Variants in EXOC4 observed in about 807,000 individuals in gnomAD.
EXOC4 encodes the protein exocyst complex component 4, also known as SEC8-like 1.
EXOC4 carries 71 observed loss-of-function variants against 107.2 expected under a neutral mutation model. The ratio of observed to expected loss-of-function variants is 0.66; its 90% confidence interval spans 0.55 to 0.81. EXOC4 has a LOEUF of 0.81. Ranked by LOEUF, EXOC4 falls within the 30% of genes least tolerant of loss-of-function variation. EXOC4 has a pLI of 0.00. For synonymous variants in EXOC4, 456 were observed against 441.2 expected (o/e 1.03, Z -0.42); for missense variants, 1,108 against 1,189.6 (o/e 0.93, Z 1.01).
intron 13 of EXOC4, among the ~76,000 whole-genome samples, chr7:133,923,433 T>C (rs1470669846): frequency 1.3e-5 from 2 of 152,216 alleles, no homozygotes; most frequent in African/African-American, 2.4e-5. Context: ...GCACTTATTT[T>C]TTTATTTTAG....
chr7:133,935,819 G>A (rs181107467), intron 13 of EXOC4, among the ~76,000 whole-genome samples: 1 of 152,276 alleles, frequency 6.6e-6, no homozygotes, highest in East Asian at 1.9e-4. Flanking sequence ...AGTTGAAGCT[G>A]GAAGACAGTT....
chr7:133,352,038 A>G (rs1258877795), intron 5 of EXOC4, among the ~76,000 whole-genome samples: 1 of 152,030 alleles, frequency 6.6e-6, no homozygotes, highest in Non-Finnish European at 1.5e-5. Flanking sequence ...TAGTTAGAGA[A>G]GATACTTTGT....
In EXOC4 at chr7:133,576,905, G is replaced by A. The variant is rs117604757; in HGVS notation, c.1418-53140G>A. ...GTTTTAAGATTAAATTAACTTGTTT[G>A]TTCTTGCTTTCCAGATCTCTTATTC... On this transcript the variant is annotated intron_variant, in intron 9 of 17. Transcript: ENST00000253861. 5 of 1,279,600 alleles carry A rather than the reference G, an allele frequency of 3.9e-6. No homozygotes were observed. In the East Asian group the frequency reaches 2.8e-4, roughly 71 times the overall value. The allele number at this position is 1,279,600 out of a possible 1,614,324, so 79.3% of individuals were successfully genotyped here. A position where few individuals can be genotyped will look rare whatever the true frequency, so the allele number is the denominator to read the frequency against.
chr7:133,553,480 C>T (rs981908829), intron 9 of EXOC4, among the ~76,000 whole-genome samples: 1 of 152,098 alleles, frequency 6.6e-6, no homozygotes, highest in Non-Finnish European at 1.5e-5. Context: ...GATTTCATTC[C>T]CTGAACTCCT....
At chr7:133,613,248 G>T (rs989447489) in intron 9 of EXOC4, among the ~76,000 whole-genome samples, 3 of 152,092 alleles carry the variant, frequency 2.0e-5, no homozygotes, top group Non-Finnish European at 2.9e-5. Context: ...ACAGTAGAAA[G>T]AAATGTAAAG....
At chr7:133,386,577 A>G (rs1218382992) in intron 7 of EXOC4, among the ~76,000 whole-genome samples, 1 of 152,196 alleles carries the variant, frequency 6.6e-6, no homozygotes, top group Non-Finnish European at 1.5e-5. Context: ...ACTCTTGTTC[A>G]GGGTTGAAGG....
intron 1 of EXOC4, among the ~76,000 whole-genome samples, chr7:133,263,613 C>T (rs973364999): frequency 3.3e-5 from 5 of 151,942 alleles, no homozygotes; most frequent in Non-Finnish European, 5.9e-5. Flanking sequence ...AACTCCTGGC[C>T]TCAAGCAATC....
chr7:133,845,335 A>AGTGTGT lies in EXOC4; in HGVS notation c.1734+27820_1734+27825dup, dbSNP rs34845137. Among the ~76,000 whole-genome samples, 922 of 138,022 alleles carry AGTGTGT rather than the reference A, an allele frequency of 6.7e-3. 8 individuals carry two copies. The highest frequency in any genetic ancestry group is 0.02 in the African/African-American group (732 of 36,498). 90.5% of individuals were successfully genotyped at this position (138,022 alleles called of 152,430 possible). On this transcript the variant is annotated intron_variant, in intron 11 of 17. Coordinates refer to ENST00000253861, the MANE Select transcript of EXOC4 (RefSeq NM_021807.4). Reference sequence around the variant, plus strand: ...CAACTAGCATGATAGGCAGGTTAGTAGTGTGTGTGTGTGTGTGTGTGTGTG... The same window carrying AGTGTGT: ...CAACTAGCATGATAGGCAGGTTAGTAGTGTGTGTGTGTGTGTGTGTGTGTGTGTGTG...
chr7:133,574,719 T>C (rs1270268382), intron 9 of EXOC4, among the ~76,000 whole-genome samples: 1 of 152,200 alleles, frequency 6.6e-6, no homozygotes, highest in Non-Finnish European at 1.5e-5. Flanking sequence ...ATATCATACT[T>C]ACACCTCATG....
At chr7:133,274,089 T>C (rs1793934758) in intron 1 of EXOC4, among the ~76,000 whole-genome samples, 1 of 152,226 alleles carries the variant, frequency 6.6e-6, no homozygotes, top group African/African-American at 2.4e-5. Flanking sequence ...TTGAAATATT[T>C]TTAATAAGTA....
intron 9 of EXOC4, among the ~76,000 whole-genome samples, chr7:133,510,899 G>A (rs1799756300): frequency 6.6e-6 from 1 of 152,106 alleles, no homozygotes; most frequent in Non-Finnish European, 1.5e-5. Context: ...TGGCAAGTAA[G>A]AACCATCTTA....
At chr7:133,947,876 T>C (rs1409234010) in intron 14 of EXOC4, among the ~76,000 whole-genome samples, 1 of 152,232 alleles carries the variant, frequency 6.6e-6, no homozygotes, top group Non-Finnish European at 1.5e-5. Flanking sequence ...TGAATGATTT[T>C]ATCTTCAAGC....
intron 14 of EXOC4, among the ~76,000 whole-genome samples, chr7:133,958,569 C>A (rs976157914): frequency 3.3e-5 from 5 of 152,106 alleles, no homozygotes; most frequent in Non-Finnish European, 7.4e-5. Context: ...ACAATCTTTC[C>A]TATAGTACCT....
At chr7:133,606,290 A>G (rs1801943885) in intron 9 of EXOC4, among the ~76,000 whole-genome samples, 1 of 151,860 alleles carries the variant, frequency 6.6e-6, no homozygotes, top group South Asian at 2.1e-4. Flanking sequence ...TTCACTAGTT[A>G]TCTGCCATTT....
intron 17 of EXOC4, among the ~76,000 whole-genome samples, chr7:134,059,253 A>G (rs1437434335): frequency 6.6e-6 from 1 of 152,160 alleles, no homozygotes; most frequent in African/African-American, 2.4e-5. Context: ...GGGAACTGAA[A>G]CTGTTTCTAA....
rs577138706 is a variant in EXOC4 at position 133,512,877 on chromosome 7, G to A, written c.1417+32739G>A. ...GCCAGGTGCGGTGGCTCACGCCTGC[G>A]GGCGGATCAGTTGAGGCCAGAAATT... On this transcript the variant is annotated intron_variant, in intron 9 of 17. Coordinates refer to ENST00000253861, the MANE Select transcript of EXOC4 (RefSeq NM_021807.4). Among the ~76,000 whole-genome samples, 234 of 152,226 alleles carry A rather than the reference G, an allele frequency of 1.5e-3. 1 individual carries two copies. The highest frequency in any genetic ancestry group is 5.2e-3 in the African/African-American group (218 of 41,548).
At chr7:133,576,672 T>A in intron 9 of EXOC4, 1 of 1,289,656 alleles carries the variant, frequency 7.8e-7, no homozygotes, top group Non-Finnish European at 1.0e-6. Flanking sequence ...CAATCAGAAG[T>A]GAGCAATGGG....
At chr7:133,933,194 AAAATT>A (rs1372820233) in intron 13 of EXOC4, among the ~76,000 whole-genome samples, 1 of 152,194 alleles carries the variant, frequency 6.6e-6, no homozygotes, top group African/African-American at 2.4e-5. Context: ...ATTGTGTGGT[AAAATT>A]AAGTTAAATA....
At position 134,007,827 on chromosome 7, in the gene EXOC4, C is replaced by T. The variant is rs926129336; in HGVS notation, c.2679C>T (p.Asp893=). 3.1e-6 allele frequency: 5 copies of T among 1,612,416 alleles called. No homozygotes were observed. Among genetic ancestry groups the T allele is most frequent in the Non-Finnish European group, 4.2e-6 (5 of 1,179,220 alleles). Residue 893 remains aspartate, a synonymous_variant, in exon 17 of 18, where the codon GAC becomes GAT. Transcript: ENST00000253861. The part of the protein sequence containing the change: ...NITMSREADL[D]FARQYYEMLY... The stretch of plus-strand genomic sequence containing the variant: ...CCATGTCGCGGGAGGCAGACCTGGA[C>T]TTTGCAAGGTAGGAGGGAAAACTGG...
Sources: allele counts gnomAD v4.1 joint callset (sites outside exome capture counted in the v4.1 genomes callset), GRCh38; gene constraint gnomAD v4.1.1; transcripts MANE v1.5; gene names NCBI Gene and HGNC (gene_info 2026-07-23, HGNC 2026-07-21).